The following ZDHHC23 variants were observed in gnomAD, a reference collection of about 807,000 sequenced individuals.
ZDHHC23 encodes the protein zDHHC palmitoyltransferase 23.
ZDHHC23 carries 41 observed loss-of-function variants against 40.2 expected under a neutral mutation model. The observed-to-expected ratio is 1.02, with a 90% CI of 0.79 to 1.32. The LOEUF (loss-of-function observed/expected upper bound fraction) is 1.32. ZDHHC23 is among the 40% of genes most tolerant of loss of function. The probability of loss-of-function intolerance (pLI) is 0.00; values close to 1 mark genes in which losing one functional copy is unlikely to be tolerated. For missense variants in ZDHHC23, 471 were observed against 541.5 expected (o/e 0.87, Z 1.29); for synonymous variants, 204 against 210.2 (o/e 0.97, Z 0.26).
In ZDHHC23 at chr3:113,954,305, C is replaced by T. The variant is rs760661056; in HGVS notation, c.767C>T (p.Ala256Val). The change falls in exon 3 of 5, where the codon GCG (alanine) becomes GTG (valine). Residue 256 changes from alanine (A) to valine (V), a missense_variant. Around this residue, in one of 3 missense-constraint regions of ZDHHC23, gnomAD observed 346 missense variants for 399.8 expected, o/e 0.87. Transcript: ENST00000638807. ...SKMPAGSPTK[A>V]KEDWCAKCQL... ...ATGCCAGCTGGAAGCCCCACCAAAG[C>T]GAAGGAGGACTGGTGTGCCAAGTGC... 16 of 1,614,074 alleles carry T rather than the reference C, an allele frequency of 9.9e-6. No individual in the cohort carries two copies. The highest frequency in any genetic ancestry group is 1.7e-5 in the Admixed American group (1 of 60,008).
At chr3:113,950,528 ACCT>A (rs1938561513) in intron 2 of ZDHHC23, among the ~76,000 whole-genome samples, 2 of 151,970 alleles carry the variant, frequency 1.3e-5, no homozygotes, top group Non-Finnish European at 2.9e-5. Flanking sequence ...TGACCTAATC[ACCT>A]CCTTAAGGTC....
At chr3:113,957,942 C>G in intron 4 of ZDHHC23, 1 of 414,890 alleles carries the variant, frequency 2.4e-6, no homozygotes, top group Non-Finnish European at 4.7e-6. Flanking sequence ...GTAACTTTAG[C>G]ACTGTTCCTC....
intron 2 of ZDHHC23, among the ~76,000 whole-genome samples, chr3:113,952,171 C>G (rs1490034439): frequency 6.6e-6 from 1 of 152,100 alleles, no homozygotes; most frequent in Non-Finnish European, 1.5e-5. Flanking sequence ...GCATTTTACC[C>G]TAAGCATTTA....
At chr3:113,966,838 C>T (rs1209282956), downstream of ZDHHC23, among the ~76,000 whole-genome samples, 5 of 152,034 alleles carry the variant, frequency 3.3e-5, no homozygotes, top group African/African-American at 1.2e-4. Context: ...GTGGGTCACA[C>T]CTGTAATCCC....
chr3:113,962,624 A>G lies in ZDHHC23; in HGVS notation c.*3994A>G, dbSNP rs562453443. Reference sequence around the variant, plus strand: ...TGCAGTCTCAACTCATTGTGATCCTAATGGTCTGGGTGATTGGATGGTTTG... The same window carrying G: ...TGCAGTCTCAACTCATTGTGATCCTGATGGTCTGGGTGATTGGATGGTTTG... On this transcript the variant is annotated 3_prime_UTR_variant, in exon 5 of 5. Transcript: ENST00000638807. The G allele has an allele frequency of 3.3e-5, 5 of 152,284 alleles. No homozygotes were observed. Among genetic ancestry groups the G allele is most frequent in the Non-Finnish European group, 7.4e-5 (5 of 68,024 alleles). The allele number at this position is 152,284 out of a possible 1,614,324, so 9.4% of individuals were successfully genotyped here.
chr3:113,948,799 A>C lies in ZDHHC23; in HGVS notation c.-4A>C. The C allele has an allele frequency of 6.2e-7, 1 of 1,614,126 alleles. No individual in the cohort carries two copies. The highest frequency in any genetic ancestry group is 8.5e-7 in the Non-Finnish European group (1 of 1,180,032). On this transcript the variant is annotated 5_prime_UTR_variant, in exon 2 of 5. Transcript: ENST00000638807. ...CTTACGCCTCATGGTGACAGGTGCA[A>C]ATCATGACACAGAAGGGCAGTATGA...
chr3:113,958,346 CT>C lies in ZDHHC23; in HGVS notation c.1041-12del. 8 of 1,590,352 alleles carry C rather than the reference CT, an allele frequency of 5.0e-6. No individual in the cohort carries two copies. Among genetic ancestry groups the C allele is most frequent in the Non-Finnish European group, 5.2e-6 (6 of 1,163,824 alleles). Reference sequence around the variant, plus strand: ...TGACAAAAACGGCAGCCCTGACAGCCTTTTTCCCTCTCCTAGCTCGGCTCTG... The same window carrying C: ...TGACAAAAACGGCAGCCCTGACAGCCTTTTCCCTCTCCTAGCTCGGCTCTG... On this transcript the variant is annotated splice_polypyrimidine_tract_variant and intron_variant, in intron 4 of 4. Transcript: ENST00000638807.
chr3:113,970,974 A>C, the ZDHHC23 span, among the ~76,000 whole-genome samples: 1 of 152,086 alleles, frequency 6.6e-6, no homozygotes, highest in Admixed American at 6.5e-5. Context: ...TCATTGTTGG[A>C]CATTTGGGTT....
chr3:113,951,491 C>G (rs564047790), intron 2 of ZDHHC23, among the ~76,000 whole-genome samples: 42 of 152,334 alleles, frequency 2.8e-4, no homozygotes, highest in African/African-American at 9.6e-4. Flanking sequence ...GGAGCCACAC[C>G]TGGAGCTGCC....
chr3:113,960,822 G>T lies in ZDHHC23; in HGVS notation c.*2192G>T. On this transcript the variant is annotated 3_prime_UTR_variant, in exon 5 of 5. Coordinates refer to ENST00000638807, the MANE Select transcript of ZDHHC23 (RefSeq NM_001320466.2). Reference sequence around the variant, plus strand: ...CGAAGATACTTGTTTTAAGTTCCTTGAGAACCCATGATGGACAGTTGACAG... The same window carrying T: ...CGAAGATACTTGTTTTAAGTTCCTTTAGAACCCATGATGGACAGTTGACAG... 6.7e-7 allele frequency: 1 copy of T among 1,496,366 alleles called. No homozygotes were observed. Among genetic ancestry groups the T allele is most frequent in the South Asian group, 1.4e-5 (1 of 72,512 alleles). The allele number at this position is 1,496,366 out of a possible 1,614,324, so 92.7% of individuals were successfully genotyped here.
In ZDHHC23 at chr3:113,958,405, C is replaced by T; in HGVS notation, c.1083C>T (p.Ile361=). 1 of 1,614,216 alleles carries T rather than the reference C, an allele frequency of 6.2e-7. No individual in the cohort carries two copies. The highest frequency in any genetic ancestry group is 8.5e-7 in the Non-Finnish European group (1 of 1,180,040). ...CCTGCGTGTGGTACTCTGTGATCAT[C>T]ACAGCAGGCATGGCCTACATCTTCC... ...SFTCVWYSVI[I]TAGMAYIFLI... Residue 361 remains isoleucine (I), a synonymous_variant, in exon 5 of 5, where the codon ATC becomes ATT. Transcript: ENST00000638807.
At position 113,957,127 on chromosome 3, in the gene ZDHHC23, A is replaced by T. The variant is rs911046206; in HGVS notation, c.1040+621A>T. On this transcript the variant is annotated intron_variant, in intron 4 of 4. Coordinates refer to ENST00000638807, the MANE Select transcript of ZDHHC23 (RefSeq NM_001320466.2). ...TTTCCAGGCCATGGCAAAATTTGGG[A>T]TTCTTCCGCTTCGGCCTCAGCGCCC... is the stretch of plus-strand genomic sequence containing the variant. Among the ~76,000 whole-genome samples, 3 of 152,000 alleles carry T rather than the reference A, an allele frequency of 2.0e-5. No homozygotes were observed. The South Asian group carries it at 6.2e-4, about 31-fold the overall frequency.
At chr3:113,973,766 G>T in the ZDHHC23 span, among the ~76,000 whole-genome samples, 1 of 152,006 alleles carries the variant, frequency 6.6e-6, no homozygotes, top group Middle Eastern at 3.4e-3. Context: ...CTTGACGTTT[G>T]AGAGTTTAGG....
rs201217486 is a variant in ZDHHC23 at position 113,959,803 on chromosome 3, AAGAG to A, written c.*1177_*1180del. ...CCTCCCTAAATAACAGTATCTCACTAAGAGAGAAGAAACAGGGTATATGTGGTTT... is the reference window on the plus strand; with the variant it reads ...CCTCCCTAAATAACAGTATCTCACTAAGAAGAAACAGGGTATATGTGGTTT... On this transcript the variant is annotated 3_prime_UTR_variant, in exon 5 of 5. Transcript: ENST00000638807. 1.9e-6 allele frequency: 2 copies of A among 1,055,810 alleles called. No individual in the cohort carries two copies. Among genetic ancestry groups the A allele is most frequent in the Admixed American group, 4.0e-5 (1 of 24,794 alleles). The allele number at this position is 1,055,810 out of a possible 1,614,324, so 65.4% of individuals were successfully genotyped here. A position where few individuals can be genotyped will look rare whatever the true frequency, so the allele number is the denominator to read the frequency against.
chr3:113,965,562 T>C (rs1325353535), downstream of ZDHHC23, among the ~76,000 whole-genome samples: 2 of 152,110 alleles, frequency 1.3e-5, no homozygotes, highest in African/African-American at 2.4e-5. Context: ...GACTGATTGA[T>C]TGATAGGTTA....
chr3:113,954,725 A>T (rs922553653), intron 3 of ZDHHC23, among the ~76,000 whole-genome samples: 16 of 151,904 alleles, frequency 1.1e-4, no homozygotes, highest in South Asian at 8.3e-4. Context: ...ATGATTTTTT[A>T]AAAAAAGAAT....
At chr3:113,978,626 T>C in the ZDHHC23 span, 1 of 594,860 alleles carries the variant, frequency 1.7e-6, no homozygotes, top group Non-Finnish European at 2.9e-6. Context: ...GCTGATGGAA[T>C]GATAACTTAC....
chr3:113,961,556 T>C lies in ZDHHC23; in HGVS notation c.*2926T>C, dbSNP rs1366851498. On this transcript the variant is annotated 3_prime_UTR_variant, in exon 5 of 5. Coordinates refer to ENST00000638807, the MANE Select transcript of ZDHHC23 (RefSeq NM_001320466.2). ...ACCCTGATGCTGCTAAAGTAAAGCC[T>C]TAAGTGTGTTTTTGGGACAACGTGC... The C allele has an allele frequency of 2.0e-5, 3 of 152,646 alleles. No homozygotes were observed. Among genetic ancestry groups the C allele is most frequent in the Non-Finnish European group, 4.4e-5 (3 of 68,030 alleles). The allele number at this position is 152,646 out of a possible 1,614,324, so 9.5% of individuals were successfully genotyped here. A position where few individuals can be genotyped will look rare whatever the true frequency, so the allele number is the denominator to read the frequency against.
In ZDHHC23 at chr3:113,948,719, G is replaced by C. The variant is rs1252640458; in HGVS notation, c.-84G>C. ...GGTTAAGCAGAGAGAGAGAGGCGTG[G>C]ACCTATTTACGAGATGTAAGTTGTG... On this transcript the variant is annotated 5_prime_UTR_variant, in exon 2 of 5. Transcript: ENST00000638807. 6.6e-7 allele frequency: 1 copy of C among 1,510,436 alleles called. No individual in the cohort carries two copies. The highest frequency in any genetic ancestry group is 9.1e-7 in the Non-Finnish European group (1 of 1,097,734). The allele number at this position is 1,510,436 out of a possible 1,614,324, so 93.6% of individuals were successfully genotyped here.
Sources: gnomAD v4.1 joint callset for allele counts (sites outside exome capture counted in the v4.1 genomes callset) on GRCh38, gnomAD v4.1.1 for gene constraint, gnomAD v4.1.1 regional missense constraint, MANE v1.5 for transcripts, NCBI Gene and HGNC (gene_info 2026-07-23, HGNC 2026-07-21) for gene names.